CCSAP: variants seen among roughly 807,000 people sequenced by gnomAD.
CCSAP encodes centriole, cilia and spindle-associated protein.
CCSAP carries 17 observed loss-of-function variants against 25.9 expected under a neutral mutation model. The observed-to-expected ratio is 0.66, with a 90% confidence interval of 0.45 to 0.99. The LOEUF (loss-of-function observed/expected upper bound fraction) is 0.99, where lower values mean the gene tolerates loss of function less well. CCSAP is among the 50% of genes least tolerant of loss of function. The pLI, the probability that CCSAP is intolerant of heterozygous loss-of-function variation, is 0.00. For synonymous variants in CCSAP, 169 were observed against 157.1 expected, an observed-to-expected ratio of 1.08 and a Z score of -0.57; for missense variants, 339 against 367.8, an observed-to-expected ratio of 0.92 and a Z score of 0.64.
rs1340619128 is a variant in CCSAP, at chr1:229,321,750, C to T, written c.*3485G>A. 1 of 152,136 alleles carries T rather than the reference C, an allele frequency of 6.6e-6. No individual in the cohort carries two copies. Among genetic ancestry groups the T allele is most frequent in the Non-Finnish European group, 1.5e-5 (1 of 68,020 alleles). The allele number at this position is 152,136 out of a possible 1,614,324, so 9.4% of individuals were successfully genotyped here. A position where few individuals can be genotyped will look rare whatever the true frequency, so the allele number is the denominator to read the frequency against. On this transcript the variant is annotated 3_prime_UTR_variant, in exon 4 of 4. Coordinates refer to ENST00000284617, the MANE Select transcript of CCSAP (RefSeq NM_145257.5). The stretch of plus-strand genomic sequence containing the variant: ...TATGCTTTGCTCCTCCTCCTCTTTG[C>T]TAGTAATACTTTTGAACACTTTAAA...
intron 2 of CCSAP, among the ~76,000 whole-genome samples, chr1:229,330,580 C>T (rs942557314): frequency 2.0e-5 from 3 of 152,182 alleles, no homozygotes; most frequent in African/African-American, 4.8e-5. Flanking sequence ...CGGTGGCTCA[C>T]GCCTATAATC....
intron 3 of CCSAP, among the ~76,000 whole-genome samples, chr1:229,326,228 G>T (rs968581595): frequency 5.3e-5 from 8 of 152,222 alleles, no homozygotes; most frequent in Non-Finnish European, 7.3e-5. Context: ...TGTTATGGAT[G>T]AACAGGGGAA....
intron 2 of CCSAP, among the ~76,000 whole-genome samples, chr1:229,334,105 C>G (rs993402801): frequency 8.5e-5 from 13 of 152,114 alleles, no homozygotes. Flanking sequence ...CAGTCTCACT[C>G]TGTCACCCAG....
Position 229,325,022 on chromosome 1 carries a change from C to A in CCSAP, c.*213G>T. ...TTAGGGAATTATCTTCATAAATAACCAAATGTCTATGGCTTCAACTGTCTG... is the reference window on the plus strand; with the variant it reads ...TTAGGGAATTATCTTCATAAATAACAAAATGTCTATGGCTTCAACTGTCTG... On this transcript the variant is annotated 3_prime_UTR_variant, in exon 4 of 4. Transcript: ENST00000284617. The A allele has an allele frequency of 9.0e-6, 4 of 443,228 alleles. No homozygotes were observed. Among genetic ancestry groups the A allele is most frequent in the South Asian group, 4.3e-5 (1 of 23,372 alleles). The allele number at this position is 443,228 out of a possible 1,614,324, so 27.5% of individuals were successfully genotyped here. A position where few individuals can be genotyped will look rare whatever the true frequency, so the allele number is the denominator to read the frequency against.
chr1:229,331,814 ATTATTATTATTATTATT>A (rs1215183520), intron 2 of CCSAP, among the ~76,000 whole-genome samples: 5 of 146,328 alleles, frequency 3.4e-5, no homozygotes, highest in South Asian at 2.1e-4. Flanking sequence ...TATTATTATT[ATTATTATTATTATTATT>A]TTGAGACAGA....
Position 229,325,001 on chromosome 1 carries a change from G to T in CCSAP, c.*234C>A. ...CCTTATAAGAATATCAAAGATTTAGGGAATTATCTTCATAAATAACCAAAT... is the reference window on the plus strand; with the variant it reads ...CCTTATAAGAATATCAAAGATTTAGTGAATTATCTTCATAAATAACCAAAT... On this transcript the variant is annotated 3_prime_UTR_variant, in exon 4 of 4. Coordinates refer to ENST00000284617, the MANE Select transcript of CCSAP (RefSeq NM_145257.5). 1 of 404,726 alleles carries T rather than the reference G, an allele frequency of 2.5e-6. No individual in the cohort carries two copies. Among genetic ancestry groups the T allele is most frequent in the Non-Finnish European group, 4.4e-6 (1 of 227,398 alleles). The allele number at this position is 404,726 out of a possible 1,614,324, so 25.1% of individuals were successfully genotyped here. A position where few individuals can be genotyped will look rare whatever the true frequency, so the allele number is the denominator to read the frequency against.
At position 229,322,711 on chromosome 1, in the gene CCSAP, G is replaced by A. The variant is rs187858745; in HGVS notation, c.*2524C>T. 1.2e-4 allele frequency: 18 copies of A among 152,160 alleles called. No homozygotes were observed. Among genetic ancestry groups the A allele is most frequent in the Admixed American group, 7.2e-4 (11 of 15,292 alleles). The allele number at this position is 152,160 out of a possible 1,614,324, so 9.4% of individuals were successfully genotyped here. A position where few individuals can be genotyped will look rare whatever the true frequency, so the allele number is the denominator to read the frequency against. ...GATTCCTGTTCACTTCTCCTCCCGC[G>A]GACTTAATGTCCAGCAGAGTGCTAG... is the stretch of plus-strand genomic sequence containing the variant. On this transcript the variant is annotated 3_prime_UTR_variant, in exon 4 of 4. Transcript: ENST00000284617.
At chr1:229,338,821 T>G (rs972972978) in intron 2 of CCSAP, among the ~76,000 whole-genome samples, 1 of 151,874 alleles carries the variant, frequency 6.6e-6, no homozygotes, top group Non-Finnish European at 1.5e-5. Flanking sequence ...GATACTGTGT[T>G]GTAAAAAGAA....
In CCSAP at chr1:229,337,706, C is replaced by CATATATATATATAT. The variant is rs397733324; in HGVS notation, c.367+4392_367+4393insATATATATATATAT. On this transcript the variant is annotated intron_variant, in intron 2 of 3. Transcript: ENST00000284617. ...ATATATATATATATATATACACATA[C>CATATATATATATAT]ATATATATATATGTATATATATATG... is the stretch of plus-strand genomic sequence containing the variant. Among the ~76,000 whole-genome samples the CATATATATATATAT allele has an allele frequency of 5.4e-3, 477 of 88,294 alleles. 5 individuals carry two copies. Among genetic ancestry groups the CATATATATATATAT allele is most frequent in the South Asian group, 0.026 (79 of 3,056 alleles). 57.9% of individuals were successfully genotyped at this position (88,294 alleles called of 152,430 possible).
Position 229,322,040 on chromosome 1 carries a change from AT to A in CCSAP, c.*3194del, listed in dbSNP as rs1657837194. 1 of 152,220 alleles carries A rather than the reference AT, an allele frequency of 6.6e-6. No homozygotes were observed. The highest frequency in any genetic ancestry group is 1.5e-5 in the Non-Finnish European group (1 of 68,042). The allele number at this position is 152,220 out of a possible 1,614,324, so 9.4% of individuals were successfully genotyped here. A position where few individuals can be genotyped will look rare whatever the true frequency, so the allele number is the denominator to read the frequency against. On this transcript the variant is annotated 3_prime_UTR_variant, in exon 4 of 4. Transcript: ENST00000284617. The stretch of plus-strand genomic sequence containing the variant: ...CTAGGATATATGCAAATACTACACC[AT>A]TTTATAGAAGGGGTTTGAGTATCCA...
chr1:229,330,458 A>T (rs1386027499), intron 2 of CCSAP, among the ~76,000 whole-genome samples: 2 of 152,376 alleles, frequency 1.3e-5, no homozygotes, highest in African/African-American at 4.8e-5. Flanking sequence ...GCACAGGCAA[A>T]GAAAGGAGAA....
At chr1:229,329,719 G>A (rs237809) in intron 2 of CCSAP, among the ~76,000 whole-genome samples, 4 of 152,106 alleles carry the variant, frequency 2.6e-5, no homozygotes, top group East Asian at 1.9e-4. Context: ...AGCCAGGTAC[G>A]GTGGCTCAAC....
In CCSAP at chr1:229,329,545, GA is replaced by G. The variant is rs1301215497; in HGVS notation, c.368-2540del. 4.6e-5 allele frequency among the ~76,000 whole-genome samples: 7 copies of G among 152,152 alleles called. No homozygotes were observed. The East Asian group carries it at 1.3e-3, about 29-fold the overall frequency. ...AATCATCATGGGAGGACATTAAGCTGAAAACTAACATGGTCCTATTTGTATT... is the reference window on the plus strand; with the variant it reads ...AATCATCATGGGAGGACATTAAGCTGAAACTAACATGGTCCTATTTGTATT... On this transcript the variant is annotated intron_variant, in intron 2 of 3. Coordinates refer to ENST00000284617, the MANE Select transcript of CCSAP (RefSeq NM_145257.5).
intron 3 of CCSAP, among the ~76,000 whole-genome samples, chr1:229,326,151 TG>T (rs1657936306): frequency 6.6e-6 from 1 of 152,226 alleles, no homozygotes; most frequent in Non-Finnish European, 1.5e-5. Flanking sequence ...TTCCGGGTCT[TG>T]ACACAGGAGA....
In CCSAP at chr1:229,326,840, T is replaced by C; in HGVS notation, c.534A>G (p.Lys178=). The C allele has an allele frequency of 6.2e-7, 1 of 1,614,252 alleles. No individual in the cohort carries two copies. Among genetic ancestry groups the C allele is most frequent in the Non-Finnish European group, 8.5e-7 (1 of 1,180,052 alleles). The part of the protein sequence containing the change: ...KSPQRSSSKI[K]ENKHPFALYG... Reference sequence around the variant, plus strand: ...AAAGAGCAAATGGATGCTTGTTTTCTTTTATTTTACTCGATGATCTTTGGG... The same window carrying C: ...AAAGAGCAAATGGATGCTTGTTTTCCTTTATTTTACTCGATGATCTTTGGG... The change falls in exon 3 of 4, where the codon AAA becomes AAG. Residue 178 remains lysine (K), a synonymous_variant. Coordinates refer to ENST00000284617, the MANE Select transcript of CCSAP (RefSeq NM_145257.5).
intron 2 of CCSAP, among the ~76,000 whole-genome samples, chr1:229,337,512 G>A (rs899936602): frequency 3.3e-5 from 5 of 150,698 alleles, no homozygotes; most frequent in South Asian, 2.1e-4. Flanking sequence ...TAGAGGATGT[G>A]TTCCATCAAA....
chr1:229,326,990 A>G lies in CCSAP; in HGVS notation c.384T>C (p.Asp128=). 1 of 1,608,246 alleles carries G rather than the reference A, an allele frequency of 6.2e-7. No homozygotes were observed. Among genetic ancestry groups the G allele is most frequent in the East Asian group, 2.2e-5 (1 of 44,760 alleles). Residue 128 remains aspartate, a synonymous_variant, in exon 3 of 4, where the codon GAT becomes GAC. Transcript: ENST00000284617. Reference sequence around the variant, plus strand: ...TTTGTTGTTCAGGTTTATCTTCTACATCTTTCACTGGCAGTGCTTTTGAAA... The same window carrying G: ...TTTGTTGTTCAGGTTTATCTTCTACGTCTTTCACTGGCAGTGCTTTTGAAA... ...DAALPALPVK[D]VEDKPEQQTR...
rs1657906907 is a variant in CCSAP, at chr1:229,324,945, C to G, written c.*290G>C. On this transcript the variant is annotated 3_prime_UTR_variant, in exon 4 of 4. Coordinates refer to ENST00000284617, the MANE Select transcript of CCSAP (RefSeq NM_145257.5). ...ATTTAAAGGCATTTGGTGTCAGTAT[C>G]TTAAAAGATTAAGATGCTTTAAAAC... 1 of 252,966 alleles carries G rather than the reference C, an allele frequency of 4.0e-6. No individual in the cohort carries two copies. Among genetic ancestry groups the G allele is most frequent in the Non-Finnish European group, 7.6e-6 (1 of 131,102 alleles). 15.7% of individuals were successfully genotyped at this position (252,966 alleles called of 1,614,324 possible). A position where few individuals can be genotyped will look rare whatever the true frequency, so the allele number is the denominator to read the frequency against.
At position 229,324,317 on chromosome 1, in the gene CCSAP, T is replaced by C. The variant is rs537627030; in HGVS notation, c.*918A>G. ...CCAATGTACCAAGTGCAATTCCAGA[T>C]TGTAAGTTTGAAATGTCATTGCCAG... On this transcript the variant is annotated 3_prime_UTR_variant, in exon 4 of 4. Transcript: ENST00000284617. The C allele has an allele frequency of 7.9e-5, 12 of 152,272 alleles. No individual in the cohort carries two copies. The East Asian group carries it at 2.1e-3, about 27-fold the overall frequency. 9.4% of individuals were successfully genotyped at this position (152,272 alleles called of 1,614,324 possible).
Sources: gnomAD v4.1 joint callset for allele counts (sites outside exome capture counted in the v4.1 genomes callset) on GRCh38, gnomAD v4.1.1 for gene constraint, MANE v1.5 for transcripts, NCBI Gene and HGNC (gene_info 2026-07-23, HGNC 2026-07-21) for gene names.